Variants in PRSS12 observed in about 807,000 individuals in gnomAD.
PRSS12 encodes the protein serine protease 12.
In PRSS12, 85 loss-of-function variants were observed where a neutral mutation model predicts 104.4. The observed-to-expected ratio is 0.81, with a 90% CI of 0.68 to 0.98. PRSS12 has a LOEUF of 0.98. Among genes scored for constraint, PRSS12 ranks in the 50% least tolerant of loss-of-function variants. PRSS12 has a pLI of 0.00. For synonymous variants in PRSS12, 454 were observed against 425.2 expected (o/e 1.07, Z -0.83); for missense variants, 1,141 against 1,139.2 (o/e 1.00, Z -0.02).
intron 4 of PRSS12, among the ~76,000 whole-genome samples, chr4:118,321,937 A>C (rs1723637403): frequency 6.6e-6 from 1 of 152,224 alleles, no homozygotes; most frequent in East Asian, 1.9e-4. Context: ...ATAGATTATA[A>C]GGTAACGGCC....
Position 118,340,177 on chromosome 4 carries a change from G to A in PRSS12, c.503-1863C>T, listed in dbSNP as rs529324090. Among the ~76,000 whole-genome samples, 3 of 152,270 alleles carry A rather than the reference G, an allele frequency of 2.0e-5. 1 individual carries two copies. The South Asian group carries it at 6.2e-4, about 32-fold the overall frequency. On this transcript the variant is annotated intron_variant, in intron 1 of 12. Transcript: ENST00000296498. ...ATGACCATAACAATATAATAGCAATGATAGAGCTGGAAATAGTTTCCAGGT... is the reference window on the plus strand; with the variant it reads ...ATGACCATAACAATATAATAGCAATAATAGAGCTGGAAATAGTTTCCAGGT...
At chr4:118,339,134 GT>G (rs1724134569) in intron 1 of PRSS12, among the ~76,000 whole-genome samples, 1 of 152,090 alleles carries the variant, frequency 6.6e-6, no homozygotes, top group African/African-American at 2.4e-5. Context: ...CTTAAGTGTG[GT>G]TCAAAGACCT....
intron 4 of PRSS12, among the ~76,000 whole-genome samples, chr4:118,321,294 T>C (rs1348125756): frequency 2.0e-5 from 3 of 152,222 alleles, no homozygotes; most frequent in Admixed American, 6.5e-5. Flanking sequence ...AGTTTTCAGC[T>C]GTTTCAAAGT....
intron 12 of PRSS12, 32 bp from the exon 13 acceptor site, chr4:118,282,275 TC>T: frequency 6.2e-7 from 1 of 1,612,698 alleles, no homozygotes; most frequent in Non-Finnish European, 8.5e-7. Flanking sequence ...TTAGTGGCAT[TC>T]CAGATAACCA....
intron 1 of PRSS12, among the ~76,000 whole-genome samples, chr4:118,348,810 C>G (rs984372237): frequency 6.6e-6 from 1 of 152,080 alleles, no homozygotes. Context: ...TGCCACCATG[C>G]CTGGCTAATT....
At position 118,284,281 on chromosome 4, in the gene PRSS12, C is replaced by T. The variant is rs563041880; in HGVS notation, c.2040-1170G>A. On this transcript the variant is annotated intron_variant, in intron 11 of 12. Coordinates refer to ENST00000296498, the MANE Select transcript of PRSS12 (RefSeq NM_003619.4). ...CCAAAAATGTCTCCAGACATAGTCACGTGTTCCCTGTTAGGCAAACTGCCC... is the reference window on the plus strand; with the variant it reads ...CCAAAAATGTCTCCAGACATAGTCATGTGTTCCCTGTTAGGCAAACTGCCC... Among the ~76,000 whole-genome samples, 8 of 152,308 alleles carry T rather than the reference C, an allele frequency of 5.3e-5. No individual in the cohort carries two copies. The East Asian group carries it at 1.4e-3, about 26-fold the overall frequency.
intron 8 of PRSS12, among the ~76,000 whole-genome samples, chr4:118,304,824 C>T (rs529826698): frequency 4.6e-5 from 7 of 151,916 alleles, no homozygotes; most frequent in African/African-American, 1.4e-4. Context: ...TTCACATTTC[C>T]TTTTTTATTA....
chr4:118,349,440 C>A (rs1022087209), intron 1 of PRSS12, among the ~76,000 whole-genome samples: 2 of 151,414 alleles, frequency 1.3e-5, no homozygotes, highest in African/African-American at 2.4e-5. Flanking sequence ...TACCAGATAT[C>A]TTTTAAGCAT....
At chr4:118,324,325 T>G (rs1230351121) in intron 4 of PRSS12, among the ~76,000 whole-genome samples, 1 of 152,050 alleles carries the variant, frequency 6.6e-6, no homozygotes, top group Non-Finnish European at 1.5e-5. Context: ...CAATAATGCA[T>G]GCTTACCTAT....
At chr4:118,326,545 C>A (rs1285625063) in intron 4 of PRSS12, among the ~76,000 whole-genome samples, 1 of 152,190 alleles carries the variant, frequency 6.6e-6, no homozygotes, top group Non-Finnish European at 1.5e-5. Context: ...GGAACGCTGT[C>A]AATTGATGGC....
At chr4:118,302,858 G>A (rs1215489677) in intron 8 of PRSS12, among the ~76,000 whole-genome samples, 1 of 152,096 alleles carries the variant, frequency 6.6e-6, no homozygotes, top group Non-Finnish European at 1.5e-5. Flanking sequence ...TGTTGAGATT[G>A]TTGTTTATTA....
chr4:118,334,199 T>TTTC (rs1452031907), intron 3 of PRSS12, among the ~76,000 whole-genome samples: 4 of 152,150 alleles, frequency 2.6e-5, no homozygotes, highest in Admixed American at 1.3e-4. Flanking sequence ...TTATCATAAC[T>TTTC]TTCTATATTT....
At chr4:118,318,795 T>G (rs1207915958) in intron 4 of PRSS12, among the ~76,000 whole-genome samples, 1 of 152,204 alleles carries the variant, frequency 6.6e-6, no homozygotes, top group African/African-American at 2.4e-5. Context: ...TTTTCTTCAT[T>G]AGTAATGGAA....
At chr4:118,323,522 G>A (rs1392401934) in intron 4 of PRSS12, among the ~76,000 whole-genome samples, 1 of 151,702 alleles carries the variant, frequency 6.6e-6, no homozygotes, top group Non-Finnish European at 1.5e-5. Context: ...AAGAGAGGAG[G>A]AGGGAGGGAG....
chr4:118,348,376 A>G (rs1200140809), intron 1 of PRSS12, among the ~76,000 whole-genome samples: 1 of 152,208 alleles, frequency 6.6e-6, no homozygotes, highest in Non-Finnish European at 1.5e-5. Flanking sequence ...TGGTGGGCTC[A>G]GTTAGTCTAT....
At chr4:118,291,756 G>T (rs75714317) in intron 11 of PRSS12, among the ~76,000 whole-genome samples, 2 of 152,068 alleles carry the variant, frequency 1.3e-5, no homozygotes, top group African/African-American at 2.4e-5. Flanking sequence ...GACACCATTC[G>T]TCAGTGCTAC....
intron 4 of PRSS12, among the ~76,000 whole-genome samples, chr4:118,319,600 A>C (rs1025892783): frequency 6.6e-6 from 1 of 152,122 alleles, no homozygotes; most frequent in African/African-American, 2.4e-5. Context: ...TAAACATAAA[A>C]TACACTCGAC....
chr4:118,337,741 TGAC>T (rs1724097917), intron 2 of PRSS12, among the ~76,000 whole-genome samples: 1 of 152,110 alleles, frequency 6.6e-6, no homozygotes, highest in Middle Eastern at 3.4e-3. Context: ...TAAAATCAAA[TGAC>T]AACAACAAGT....
At chr4:118,310,501 T>C (rs1743680566) in intron 7 of PRSS12, among the ~76,000 whole-genome samples, 1 of 152,220 alleles carries the variant, frequency 6.6e-6, no homozygotes, top group Non-Finnish European at 1.5e-5. Flanking sequence ...AGTCATGCCA[T>C]CCATACGTTG....
Sources: allele counts gnomAD v4.1 joint callset (sites outside exome capture counted in the v4.1 genomes callset), GRCh38; gene constraint gnomAD v4.1.1; transcripts MANE v1.5; gene names NCBI Gene and HGNC (gene_info 2026-07-23, HGNC 2026-07-21).